The following ADCY5 variants were observed in gnomAD, a reference collection of about 807,000 sequenced individuals.
ADCY5 encodes the protein adenylate cyclase type 5.
Under a neutral mutation model 119.7 loss-of-function variants are expected in ADCY5, and 30 were observed. The ratio of observed to expected loss-of-function variants is 0.25; its 90% confidence interval spans 0.19 to 0.34. The LOEUF (loss-of-function observed/expected upper bound fraction) is 0.34. ADCY5 is among the 10% of genes least tolerant of loss of function. The probability of loss-of-function intolerance (pLI) is 1.00; values close to 1 mark genes in which losing one functional copy is unlikely to be tolerated. For missense variants in ADCY5, 1,324 were observed against 1,775.2 expected (o/e 0.75, Z 4.57); for synonymous variants, 753 against 762.2 (o/e 0.99, Z 0.20).
intron 1 of ADCY5, among the ~76,000 whole-genome samples, chr3:123,444,653 A>G (rs1394975415): frequency 6.6e-6 from 1 of 152,210 alleles, no homozygotes; most frequent in East Asian, 1.9e-4. Context: ...CCCCACACAT[A>G]AGAGAGGCTG....
intron 1 of ADCY5, among the ~76,000 whole-genome samples, chr3:123,416,857 G>C (rs1014131095): frequency 6.6e-6 from 1 of 152,100 alleles, no homozygotes; most frequent in African/African-American, 2.4e-5. Context: ...CTTAAATGAC[G>C]TCATAAGATT....
rs553253420 is a variant in ADCY5 at position 123,388,299 on chromosome 3, A to G, written c.1135-35718T>C. 2.7e-4 allele frequency among the ~76,000 whole-genome samples: 41 copies of G among 152,316 alleles called. No individual in the cohort carries two copies. The South Asian group carries it at 4.8e-3, about 18-fold the overall frequency. The stretch of plus-strand genomic sequence containing the variant: ...GAGGGGACGTTTCAGAGCCAAACCC[A>G]TCAGCACTGTATGACCAACTGAAAG... On this transcript the variant is annotated intron_variant, in intron 1 of 20. Transcript: ENST00000462833.
intron 1 of ADCY5, among the ~76,000 whole-genome samples, chr3:123,413,260 A>C (rs1559869671): frequency 6.6e-6 from 1 of 152,238 alleles, no homozygotes. Flanking sequence ...AAAACACGGA[A>C]CACGGAACAT....
Position 123,324,853 on chromosome 3 carries a change from G to A in ADCY5, c.2088+469C>T, listed in dbSNP as rs538950895. Among the ~76,000 whole-genome samples the A allele has an allele frequency of 2.0e-5, 3 of 152,356 alleles. No individual in the cohort carries two copies. In the South Asian group the frequency reaches 6.2e-4, roughly 32 times the overall value. On this transcript the variant is annotated intron_variant, in intron 8 of 20. Transcript: ENST00000462833. ...GGGGACCACCACCTGGCACTTCCCA[G>A]AAAGCACTAGGATAGTTTCTGAGCA...
intron 1 of ADCY5, among the ~76,000 whole-genome samples, chr3:123,446,820 G>C (rs1350151): frequency 0.99 from 150,546 of 152,322 alleles, 74,421 homozygotes; most frequent in East Asian, 1. Context: ...CGAAGGGCAG[G>C]TTTTTGGCTT....
At chr3:123,327,826 A>G in intron 6 of ADCY5, 67 bp from the exon 7 acceptor site, 1 of 1,572,842 alleles carries the variant, frequency 6.4e-7, no homozygotes, top group Non-Finnish European at 8.7e-7. Flanking sequence ...AGCCCCCGTG[A>G]AAAACCAAAC....
intron 3 of ADCY5, among the ~76,000 whole-genome samples, chr3:123,345,769 G>GACACACAGACACACAGAC (rs1553731376): frequency 8.8e-6 from 1 of 113,762 alleles, no homozygotes; most frequent in Non-Finnish European, 1.7e-5. Flanking sequence ...CAGACAGACA[G>GACACACAGACACACAGAC]ACACACACAC....
At chr3:123,296,872 G>T in intron 16 of ADCY5, 2 of 856,776 alleles carry the variant, frequency 2.3e-6, no homozygotes, top group South Asian at 2.0e-5. Context: ...TGCCTGCCAA[G>T]AGCTCAACCC....
rs560337249 is a variant in ADCY5, at chr3:123,430,609, T to C, written c.1134+16803A>G. 2.0e-5 allele frequency among the ~76,000 whole-genome samples: 3 copies of C among 152,336 alleles called. No homozygotes were observed. In the South Asian group the frequency reaches 6.2e-4, roughly 32 times the overall value. ...ATTGTCACCAATGCTGGAGAAATATTCCACTTTAAAAATAAGTGTAAAGCA... is the reference window on the plus strand; with the variant it reads ...ATTGTCACCAATGCTGGAGAAATATCCCACTTTAAAAATAAGTGTAAAGCA... On this transcript the variant is annotated intron_variant, in intron 1 of 20. Transcript: ENST00000462833.
rs114232662 is a variant in ADCY5 at position 123,364,270 on chromosome 3, G to A, written c.1135-11689C>T. Among the ~76,000 whole-genome samples the A allele has an allele frequency of 4.8e-3, 729 of 152,256 alleles. 3 individuals are homozygous for A. Among genetic ancestry groups the A allele is most frequent in the African/African-American group, 0.017 (706 of 41,546 alleles). The stretch of plus-strand genomic sequence containing the variant: ...AAGTACATGCTTGTGCTATGAGCAC[G>A]GCTGGCTGAAGAATCTTCTCTTCTG... On this transcript the variant is annotated intron_variant, in intron 1 of 20. Coordinates refer to ENST00000462833, the MANE Select transcript of ADCY5 (RefSeq NM_183357.3).
intron 1 of ADCY5, among the ~76,000 whole-genome samples, chr3:123,368,459 T>G (rs1241071519): frequency 6.6e-6 from 1 of 152,196 alleles, no homozygotes; most frequent in Non-Finnish European, 1.5e-5. Flanking sequence ...TAGCTGGGCA[T>G]GGCGGTGCGC....
chr3:123,416,350 C>T, intron 1 of ADCY5: 3 of 1,523,456 alleles, frequency 2.0e-6, no homozygotes, highest in Non-Finnish European at 2.6e-6. Context: ...ATAGCCAGAA[C>T]ATTTTGTCCC....
chr3:123,448,203 T>TGCCGCGACCGCAGTCGTCGCC lies in ADCY5; in HGVS notation c.322_342dup (p.Gly108_Gly114dup), dbSNP rs1342109718. The TGCCGCGACCGCAGTCGTCGCC allele has an allele frequency of 7.9e-7, 1 of 1,263,518 alleles. No homozygotes were observed. Among genetic ancestry groups the TGCCGCGACCGCAGTCGTCGCC allele is most frequent in the African/African-American group, 1.6e-5 (1 of 63,966 alleles). The allele number at this position is 1,263,518 out of a possible 1,614,324, so 78.3% of individuals were successfully genotyped here. A position where few individuals can be genotyped will look rare whatever the true frequency, so the allele number is the denominator to read the frequency against. On this transcript the variant is annotated inframe_insertion, in exon 1 of 21. Transcript: ENST00000462833. ...GCCGCGCCCCGCCGCTGCCGGCGGCTGCCGCGACCGCAGTCGTCGCCGCCG... is the reference window on the plus strand; with the variant it reads ...GCCGCGCCCCGCCGCTGCCGGCGGCTGCCGCGACCGCAGTCGTCGCCGCCGCGACCGCAGTCGTCGCCGCCG...
At chr3:123,301,254 T>C (rs1939830498) in intron 14 of ADCY5, among the ~76,000 whole-genome samples, 2 of 152,196 alleles carry the variant, frequency 1.3e-5, no homozygotes, top group Non-Finnish European at 2.9e-5. Context: ...CGCACACGGC[T>C]TCTGCCCTGG....
intron 1 of ADCY5, among the ~76,000 whole-genome samples, chr3:123,372,042 T>C (rs1943661577): frequency 6.6e-6 from 1 of 152,202 alleles, no homozygotes; most frequent in African/African-American, 2.4e-5. Context: ...TCTTAGCCCC[T>C]TGTTCATTCA....
At chr3:123,355,557 G>C (rs772995802) in intron 1 of ADCY5, among the ~76,000 whole-genome samples, 1 of 151,636 alleles carries the variant, frequency 6.6e-6, no homozygotes, top group Non-Finnish European at 1.5e-5. Context: ...GGGGGTCCTG[G>C]AACCAATGCC....
chr3:123,318,095 C>A lies in ADCY5; in HGVS notation c.2279G>T (p.Arg760Leu), dbSNP rs766054571. Reference sequence around the variant, plus strand: ...GGCACACGCCACATAGGCACCAAATCGGTCGTCTACCTGCTTGGAGTACTG... The same window carrying A: ...GGCACACGCCACATAGGCACCAAATAGGTCGTCTACCTGCTTGGAGTACTG... Reference protein sequence around the residue: ...EKKYSKQVDDRFGAYVACASL... With the variant: ...EKKYSKQVDDLFGAYVACASL... Residue 760 changes from arginine (R) to leucine (L), a missense_variant, in exon 11 of 21, where the codon CGA (arginine) becomes CTA (leucine). Transcript: ENST00000462833. 11 of 1,613,622 alleles carry A rather than the reference C, an allele frequency of 6.8e-6. No individual in the cohort carries two copies. Among genetic ancestry groups the A allele is most frequent in the Non-Finnish European group, 9.3e-6 (11 of 1,179,846 alleles).
intron 1 of ADCY5, among the ~76,000 whole-genome samples, chr3:123,396,729 GGAAGGAAGGA>G (rs1398027331): frequency 2.7e-4 from 2 of 7,402 alleles, no homozygotes; most frequent in African/African-American, 5.5e-4. Context: ...AAGGGAGGGA[GGAAGGAAGGA>G]AGGAAGGAAG....
At chr3:123,327,575 G>C (rs1304783082) in intron 7 of ADCY5, 43 bp downstream of exon 7, 1 of 1,584,284 alleles carries the variant, frequency 6.3e-7, no homozygotes, top group Admixed American at 1.7e-5. Flanking sequence ...TTCCTCCCTG[G>C]AGGAAGGGAG....
Sources: gnomAD v4.1 joint callset for allele counts (sites outside exome capture counted in the v4.1 genomes callset) on GRCh38, gnomAD v4.1.1 for gene constraint, MANE v1.5 for transcripts, NCBI Gene and HGNC (gene_info 2026-07-23, HGNC 2026-07-21) for gene names.